DGKZ: variants seen among roughly 807,000 people sequenced by gnomAD.
The protein encoded by DGKZ is DAG kinase zeta.
Under a neutral mutation model 142.5 loss-of-function variants are expected in DGKZ, and 45 were observed. That is an observed-to-expected ratio of 0.32 (90% CI 0.25 to 0.40). The LOEUF (loss-of-function observed/expected upper bound fraction) is 0.40, where lower values mean the gene tolerates loss of function less well. Among genes scored for constraint, DGKZ ranks in the 10% least tolerant of loss-of-function variants. The pLI is 1.00. For missense variants in DGKZ, 755 were observed against 1,306.5 expected, an observed-to-expected ratio of 0.58 and a Z score of 6.51; for synonymous variants, 442 against 527.0, an observed-to-expected ratio of 0.84 and a Z score of 2.21.
At chr11:46,379,753 T>G (rs1565093099) in intron 30 of DGKZ, 78 bp from the exon 31 acceptor site, 1 of 1,415,080 alleles carries the variant, frequency 7.1e-7, no homozygotes, top group South Asian at 1.4e-5. Context: ...CACAGGGAGG[T>G]AGAGCCCCTG....
chr11:46,372,902 G>A lies in DGKZ; in HGVS notation c.1185+18G>A, dbSNP rs1009838987. On this transcript the variant is annotated intron_variant, in intron 13 of 30. Coordinates refer to ENST00000527911, the Ensembl canonical transcript of DGKZ. This position sits in a 1 kb window ranked among gnomAD's most constrained non-coding sequence, Gnocchi z 5.9. ...GGGGTGGGGTAAGCACCCATAGGAG[G>A]GGGGTGCAGCTGGGGCCTCTCCAGC... The A allele has an allele frequency of 1.3e-6, 2 of 1,565,262 alleles. No individual in the cohort carries two copies. Among genetic ancestry groups the A allele is most frequent in the Non-Finnish European group, 1.7e-6 (2 of 1,154,870 alleles).
chr11:46,362,484 C>T (rs1942779957), intron 1 of DGKZ, among the ~76,000 whole-genome samples: 1 of 152,182 alleles, frequency 6.6e-6, no homozygotes, highest in Non-Finnish European at 1.5e-5. Context: ...AGCACAATCA[C>T]ATGCTCTGGT....
intron 1 of DGKZ, among the ~76,000 whole-genome samples, chr11:46,362,133 G>A (rs1159173181): frequency 2.0e-5 from 3 of 152,180 alleles, no homozygotes; most frequent in African/African-American, 7.2e-5. Context: ...CAGAGCCGAG[G>A]GGGTTCTGGG....
exon 4 of DGKZ, chr11:46,368,029 G>T (rs1397599917): frequency 6.2e-7 from 1 of 1,614,038 alleles, no homozygotes; most frequent in Non-Finnish European, 8.5e-7. Flanking sequence ...AAGAAAGTGC[G>T]CAGCCTGCAA....
At chr11:46,368,587 T>A (rs1943586239) in intron 4 of DGKZ, 1 of 263,342 alleles carries the variant, frequency 3.8e-6, no homozygotes. Context: ...GGGCAGCGCT[T>A]CCCAGCCTGC....
At chr11:46,352,984 C>G (rs1941592779) in intron 1 of DGKZ, among the ~76,000 whole-genome samples, 1 of 152,228 alleles carries the variant, frequency 6.6e-6, no homozygotes, top group Admixed American at 6.5e-5. Flanking sequence ...CGCTGAAACA[C>G]CAGAGACGTG....
chr11:46,364,406 G>A (rs1338391513), intron 1 of DGKZ: 1 of 1,288,820 alleles, frequency 7.8e-7, no homozygotes, highest in African/African-American at 1.5e-5. Flanking sequence ...TGATTTTGGG[G>A]GAGACCCAGC....
chr11:46,334,328 G>C (rs1292884481), intron 1 of DGKZ, among the ~76,000 whole-genome samples: 1 of 152,224 alleles, frequency 6.6e-6, no homozygotes. Flanking sequence ...CCTTGGCCCA[G>C]AGTGACCTCC....
intron 29 of DGKZ, 67 bp from the exon 30 acceptor site, chr11:46,379,402 C>T: frequency 1.9e-6 from 3 of 1,581,460 alleles, no homozygotes; most frequent in Non-Finnish European, 2.6e-6. Context: ...TTTCTGATGG[C>T]CCTTGGGAGA....
Position 46,372,552 on chromosome 11 carries a change from C to T in DGKZ, c.1010+42C>T. On this transcript the variant is annotated intron_variant, in intron 11 of 30. Coordinates refer to ENST00000527911, the Ensembl canonical transcript of DGKZ. This position sits in a 1 kb window ranked among gnomAD's most constrained non-coding sequence, Gnocchi z 5.9. ...GTTTTGTGGGGGACATGGGGGGGAACTTGCCTCACTCCTGGGGTACAGCAC... is the reference window on the plus strand; with the variant it reads ...GTTTTGTGGGGGACATGGGGGGGAATTTGCCTCACTCCTGGGGTACAGCAC... The T allele has an allele frequency of 3.1e-6, 5 of 1,613,860 alleles. No homozygotes were observed. The South Asian group carries it at 3.3e-5, about 11-fold the overall frequency.
chr11:46,370,557 G>T (rs1348907055), intron 6 of DGKZ, among the ~76,000 whole-genome samples: 2 of 152,198 alleles, frequency 1.3e-5, no homozygotes, highest in Non-Finnish European at 2.9e-5. Flanking sequence ...AACAGGGAAT[G>T]AATGTGATAG....
rs1230425154 is a variant in DGKZ, at chr11:46,347,807, C to T, written c.148C>T (p.Leu50Phe). The T allele has an allele frequency of 5.3e-6, 7 of 1,323,620 alleles. No homozygotes were observed. Among genetic ancestry groups the T allele is most frequent in the Non-Finnish European group, 6.8e-6 (7 of 1,033,038 alleles). 82.0% of individuals were successfully genotyped at this position (1,323,620 alleles called of 1,614,324 possible). ...CAAGCGGCGCTTCCCGGGGCTGCGG[C>T]TCTTCGGGCACAGGTGAGCGGGGCG... The change falls in exon 1 of 31, where the codon CTC becomes TTC. Residue 50 changes from leucine to phenylalanine, a missense_variant. By Grantham distance (22) the Leu-to-Phe change is conservative. Around this residue, in one of 8 missense-constraint regions of DGKZ, gnomAD observed 81 missense variants for 86.5 expected, o/e 0.94. Coordinates refer to ENST00000527911, the Ensembl canonical transcript of DGKZ. The surrounding 1 kb of genome is among the most constrained non-coding windows in gnomAD (Gnocchi z 6.4).
Position 46,371,474 on chromosome 11 carries a change from T to C in DGKZ, c.643-13T>C. The C allele has an allele frequency of 1.9e-6, 3 of 1,600,032 alleles. No homozygotes were observed. Among genetic ancestry groups the C allele is most frequent in the Non-Finnish European group, 2.6e-6 (3 of 1,172,292 alleles). ...ACACGGTCCCGCTGAGCCCGGCCCC[T>C]CGCTCTCCTCAGTACCACAGCAAGG... On this transcript the variant is annotated splice_polypyrimidine_tract_variant and intron_variant, in intron 7 of 30. Coordinates refer to ENST00000527911, the Ensembl canonical transcript of DGKZ.
upstream of DGKZ, chr11:46,345,439 C>T (rs746680374): frequency 2.0e-4 from 287 of 1,467,182 alleles, no homozygotes; most frequent in Non-Finnish European, 2.3e-4. The surrounding 1 kb of genome is among the most constrained non-coding windows in gnomAD (Gnocchi z 4.1). Context: ...GCCACAGTGC[C>T]GGGGGAAGCT....
rs1943518275 is a variant in DGKZ at position 46,367,998 on chromosome 11, G to A, written c.367-4G>A. The A allele has an allele frequency of 4.3e-6, 7 of 1,613,938 alleles. No homozygotes were observed. Among genetic ancestry groups the A allele is most frequent in the Non-Finnish European group, 5.1e-6 (6 of 1,179,988 alleles). On this transcript the variant is annotated splice_region_variant and splice_polypyrimidine_tract_variant and intron_variant, in intron 3 of 30. Coordinates refer to ENST00000527911, the Ensembl canonical transcript of DGKZ. This position sits in a 1 kb window ranked among gnomAD's most constrained non-coding sequence, Gnocchi z 4.1. ...CTCAGGGGCCCTCTCTTCCTGTCCT[G>A]CAGCAGAAGTCAGTGTCTCGAAGAA...
intron 1 of DGKZ, among the ~76,000 whole-genome samples, chr11:46,357,753 G>C (rs1462033875): frequency 6.6e-6 from 1 of 152,258 alleles, no homozygotes; most frequent in East Asian, 1.9e-4. Context: ...TCTAGTGGCA[G>C]GGGAGCCAAA....
chr11:46,354,410 GGT>G (rs1240469843), intron 1 of DGKZ, among the ~76,000 whole-genome samples: 1 of 152,126 alleles, frequency 6.6e-6, no homozygotes, highest in East Asian at 1.9e-4. Flanking sequence ...TGCCCAGGTT[GGT>G]CTCGAACTCC....
intron 1 of DGKZ, chr11:46,361,591 C>T (rs765896970): frequency 3.5e-4 from 337 of 975,136 alleles, no homozygotes; most frequent in Non-Finnish European, 3.9e-4. Flanking sequence ...GGAGCAGCCA[C>T]GGCTGCTAGC....
At chr11:46,375,674 C>G in intron 20 of DGKZ, 43 bp downstream of exon 20, 2 of 1,526,572 alleles carry the variant, frequency 1.3e-6, no homozygotes, top group Non-Finnish European at 1.8e-6. Context: ...CAAGGCCAGA[C>G]CCTGCCCTCT....
Sources: allele counts gnomAD v4.1 joint callset (sites outside exome capture counted in the v4.1 genomes callset), GRCh38; gene constraint gnomAD v4.1.1; regional missense constraint gnomAD v4.1.1; non-coding constraint Gnocchi (gnomAD v3.1); transcripts MANE v1.5; gene names NCBI Gene and HGNC (gene_info 2026-07-23, HGNC 2026-07-21).